CHCHD3: variants seen among roughly 807,000 people sequenced by gnomAD.
The protein encoded by CHCHD3 is coiled-coil-helix-coiled-coil-helix domain containing 3.
In CHCHD3, 20 loss-of-function variants were observed where a neutral mutation model predicts 38.2. The ratio of observed to expected loss-of-function variants is 0.52; its 90% confidence interval spans 0.37 to 0.76. CHCHD3 has a LOEUF of 0.76. Ranked by LOEUF, CHCHD3 falls within the 30% of genes least tolerant of loss-of-function variation. CHCHD3 has a pLI of 0.00. For synonymous variants in CHCHD3, 82 were observed against 100.0 expected, an observed-to-expected ratio of 0.82 and a Z score of 1.07; for missense variants, 245 against 279.2, an observed-to-expected ratio of 0.88 and a Z score of 0.87.
chr7:133,006,208 G>A (rs1812694144), intron 3 of CHCHD3, among the ~76,000 whole-genome samples: 1 of 152,154 alleles, frequency 6.6e-6, no homozygotes, highest in Admixed American at 6.6e-5. Flanking sequence ...GCTCACGCCT[G>A]TAATCCCAGC....
At chr7:132,852,673 C>G (rs925232975) in intron 5 of CHCHD3, among the ~76,000 whole-genome samples, 1 of 152,116 alleles carries the variant, frequency 6.6e-6, no homozygotes, top group Non-Finnish European at 1.5e-5. Context: ...TCATAACCAA[C>G]AGGTGGGAAC....
intron 2 of CHCHD3, among the ~76,000 whole-genome samples, chr7:133,032,867 ATTTT>A (rs1250649178): frequency 2.0e-5 from 3 of 152,168 alleles, no homozygotes; most frequent in African/African-American, 7.2e-5. Flanking sequence ...ACATAGCTTA[ATTTT>A]TTTGTTTCAA....
chr7:132,904,010 A>G (rs1328374043), intron 4 of CHCHD3, among the ~76,000 whole-genome samples: 2 of 152,208 alleles, frequency 1.3e-5, no homozygotes, highest in African/African-American at 2.4e-5. Flanking sequence ...CTGTAATGCC[A>G]GCATTTTGGG....
chr7:132,971,394 C>T (rs1294910131), intron 4 of CHCHD3, among the ~76,000 whole-genome samples: 1 of 152,174 alleles, frequency 6.6e-6, no homozygotes, highest in Non-Finnish European at 1.5e-5. Flanking sequence ...GTATACTCTT[C>T]CAGAATCTAG....
chr7:133,041,766 T>G (rs1037959665), intron 2 of CHCHD3, among the ~76,000 whole-genome samples: 4 of 152,226 alleles, frequency 2.6e-5, no homozygotes, highest in African/African-American at 9.6e-5. Flanking sequence ...AAAACTTGAA[T>G]GTGATTTAGA....
intron 6 of CHCHD3, among the ~76,000 whole-genome samples, chr7:132,811,981 A>C (rs1342768713): frequency 6.6e-6 from 1 of 152,044 alleles, no homozygotes; most frequent in African/African-American, 2.4e-5. Context: ...TTTACGTGGA[A>C]GGCATTACAG....
chr7:132,947,009 T>C (rs376567744), intron 4 of CHCHD3, among the ~76,000 whole-genome samples: 3 of 152,062 alleles, frequency 2.0e-5, no homozygotes, highest in East Asian at 3.9e-4. Flanking sequence ...GTTATAAACC[T>C]TTCCTCTTTC....
At chr7:132,795,911 T>C (rs937957135) in intron 7 of CHCHD3, among the ~76,000 whole-genome samples, 2 of 152,236 alleles carry the variant, frequency 1.3e-5, no homozygotes, top group Admixed American at 6.5e-5. Context: ...CTATGGTCTA[T>C]AAAAGCAGTG....
At chr7:132,799,895 C>T (rs564565133) in intron 6 of CHCHD3, among the ~76,000 whole-genome samples, 3 of 152,280 alleles carry the variant, frequency 2.0e-5, no homozygotes, top group Non-Finnish European at 2.9e-5. Context: ...GCAGCCCGCC[C>T]TCCCTTTGGC....
At chr7:133,059,702 G>C (rs187099265) in intron 2 of CHCHD3, among the ~76,000 whole-genome samples, 1 of 152,282 alleles carries the variant, frequency 6.6e-6, no homozygotes, top group Admixed American at 6.5e-5. Context: ...ATTGAGACCT[G>C]AAACTGGCAT....
chr7:133,068,724 A>C (rs996714809), intron 2 of CHCHD3, among the ~76,000 whole-genome samples: 6 of 152,210 alleles, frequency 3.9e-5, no homozygotes, highest in Non-Finnish European at 8.8e-5. Context: ...TTAGAGATGG[A>C]GTTGACAAGA....
At chr7:132,820,438 G>T (rs758195436) in intron 6 of CHCHD3, among the ~76,000 whole-genome samples, 2 of 152,182 alleles carry the variant, frequency 1.3e-5, no homozygotes, top group Non-Finnish European at 2.9e-5. Context: ...GGGACTGGAA[G>T]GGAGGGAGGC....
rs941712050 is a variant in CHCHD3, at chr7:133,081,766, G to A, written c.81+91C>T. The A allele has an allele frequency of 1.5e-5, 20 of 1,318,442 alleles. No individual in the cohort carries two copies. In the South Asian group the frequency reaches 2.4e-4, roughly 16 times the overall value. 81.7% of individuals were successfully genotyped at this position (1,318,442 alleles called of 1,614,324 possible). A position where few individuals can be genotyped will look rare whatever the true frequency, so the allele number is the denominator to read the frequency against. ...GCCTTAATACGCTAGGGTCCAGGAC[G>A]GGAGAAACCCAGGCTGAGCGGGTCC... On this transcript the variant is annotated intron_variant, in intron 1 of 7. Coordinates refer to ENST00000262570, the MANE Select transcript of CHCHD3 (RefSeq NM_017812.4).
chr7:133,073,043 T>C lies in CHCHD3; in HGVS notation c.82-2814A>G, dbSNP rs1195613843. 2.0e-5 allele frequency among the ~76,000 whole-genome samples: 3 copies of C among 152,196 alleles called. No individual in the cohort carries two copies. The East Asian group carries it at 5.8e-4, about 29-fold the overall frequency. On this transcript the variant is annotated intron_variant, in intron 1 of 7. Transcript: ENST00000262570. ...TTACCCTCAGTGCAACAGTGAACAT[T>C]CTCTGGTAGAAGTCACCAATGACCA...
chr7:132,984,210 A>T (rs10248855), intron 3 of CHCHD3, among the ~76,000 whole-genome samples: 2 of 149,494 alleles, frequency 1.3e-5, no homozygotes, highest in Non-Finnish European at 3.0e-5. Context: ...TTGCAGGCGC[A>T]CGGCGCCACG....
At chr7:132,986,130 G>C (rs1485985593) in intron 3 of CHCHD3, among the ~76,000 whole-genome samples, 3 of 150,278 alleles carry the variant, frequency 2.0e-5, no homozygotes, top group Admixed American at 1.3e-4. Context: ...TCTGAAACAG[G>C]TGCTGTGTCC....
intron 2 of CHCHD3, among the ~76,000 whole-genome samples, chr7:133,037,533 C>G (rs1437240796): frequency 6.6e-6 from 1 of 152,136 alleles, no homozygotes; most frequent in Non-Finnish European, 1.5e-5. Context: ...ATACATATAG[C>G]CCAGCACAGT....
intron 6 of CHCHD3, among the ~76,000 whole-genome samples, chr7:132,817,906 A>C (rs1807243327): frequency 6.6e-6 from 1 of 151,986 alleles, no homozygotes; most frequent in Admixed American, 6.6e-5. Context: ...AAAAAATAAA[A>C]ATAAAAATAA....
intron 4 of CHCHD3, among the ~76,000 whole-genome samples, chr7:132,960,287 G>T (rs76857224): frequency 6.6e-6 from 1 of 152,038 alleles, no homozygotes; most frequent in African/African-American, 2.4e-5. Flanking sequence ...AAGAGAGGAC[G>T]GGGAAAGCAG....
Sources: gnomAD v4.1 joint callset for allele counts (sites outside exome capture counted in the v4.1 genomes callset) on GRCh38, gnomAD v4.1.1 for gene constraint, MANE v1.5 for transcripts, NCBI Gene and HGNC (gene_info 2026-07-23, HGNC 2026-07-21) for gene names.